TENM1: variants seen among roughly 807,000 people sequenced by gnomAD.
The protein encoded by TENM1 is teneurin transmembrane protein 1.
In TENM1, 35 loss-of-function variants were observed where a neutral mutation model predicts 174.8. The observed-to-expected ratio is 0.20, with a 90% CI of 0.15 to 0.27. TENM1 has a LOEUF of 0.27. TENM1 is among the 10% of genes least tolerant of loss of function. The pLI is 1.00. For missense variants in TENM1, 1,633 were observed against 2,130.1 expected, an observed-to-expected ratio of 0.77 and a Z score of 4.59; for synonymous variants, 781 against 798.7, an observed-to-expected ratio of 0.98 and a Z score of 0.37.
chrX:125,121,136 A>C, the TENM1 span, among the ~76,000 whole-genome samples: 8 of 111,991 alleles, frequency 7.1e-5, no homozygotes, highest in African/African-American at 2.6e-4. Flanking sequence ...ATAACGTGAC[A>C]AGGTTTATAG....
At chrX:124,888,202 A>G (rs16994532) in intron 3 of TENM1, among the ~76,000 whole-genome samples, 1 of 111,556 alleles carries the variant, frequency 9.0e-6, no homozygotes, top group African/African-American at 3.3e-5. Flanking sequence ...ATACCGCACT[A>G]CTTAGGTTCT....
At chrX:124,719,374 A>C (rs1205262228) in intron 4 of TENM1, among the ~76,000 whole-genome samples, 4 of 111,616 alleles carry the variant, frequency 3.6e-5, no homozygotes, top group African/African-American at 1.3e-4. Flanking sequence ...ACAATAAAAA[A>C]AAATTGCTTT....
exon 30 of TENM1, chrX:124,384,331 A>G (rs2060194892): frequency 8.3e-7 from 1 of 1,209,583 alleles, no homozygotes; most frequent in South Asian, 1.8e-5. Context: ...CATATCGGAG[A>G]GGAGTAAGAC....
the TENM1 span, among the ~76,000 whole-genome samples, chrX:125,006,137 G>A: frequency 8.9e-6 from 1 of 112,102 alleles, no homozygotes; most frequent in Non-Finnish European, 1.9e-5. Context: ...CTCACTGCCA[G>A]CAGAGCAGTC....
intron 9 of TENM1, 98 bp from the exon 13 acceptor site, chrX:124,645,435 G>A: frequency 1.2e-6 from 1 of 832,343 alleles, no homozygotes; most frequent in East Asian, 3.2e-5. Flanking sequence ...GCAAAAAATT[G>A]TACTATTTCT....
chrX:124,780,873 AC>A (rs1053083396), intron 3 of TENM1, among the ~76,000 whole-genome samples: 1 of 111,538 alleles, frequency 9.0e-6, no homozygotes, highest in African/African-American at 3.3e-5. Flanking sequence ...TCCTTGTCAT[AC>A]CTTCATCTTT....
At chrX:125,109,635 G>A in the TENM1 span, among the ~76,000 whole-genome samples, 3 of 111,343 alleles carry the variant, frequency 2.7e-5, no homozygotes, top group South Asian at 1.2e-3. Flanking sequence ...GAGGGAGAGA[G>A]AGAAAAGAGA....
At chrX:124,869,636 C>G (rs1368952490) in intron 3 of TENM1, among the ~76,000 whole-genome samples, 2 of 111,121 alleles carry the variant, frequency 1.8e-5, no homozygotes, top group Non-Finnish European at 3.8e-5. Context: ...GAGTACTGTT[C>G]AGCCATAAAA....
intron 18 of TENM1, among the ~76,000 whole-genome samples, chrX:124,506,797 T>C (rs6655795): frequency 2.9e-4 from 32 of 112,008 alleles, no homozygotes; most frequent in African/African-American, 8.7e-4. Flanking sequence ...TCACAAGAAC[T>C]AGCAAATACA....
rs778071805 is a variant in TENM1 at position 124,560,427 on chromosome X, A to G, written c.2434+1244T>C. 2.7e-5 allele frequency among the ~76,000 whole-genome samples: 3 copies of G among 111,033 alleles called. No individual in the cohort carries two copies. The East Asian group carries it at 8.5e-4, about 32-fold the overall frequency. On this transcript the variant is annotated intron_variant, in intron 14 of 31. Transcript: ENST00000422452. Reference sequence around the variant, plus strand: ...GGGAAAAATGGTAATATCATTTAATATCATCAACCCCATTTTAGAAATAAG... The same window carrying G: ...GGGAAAAATGGTAATATCATTTAATGTCATCAACCCCATTTTAGAAATAAG...
At chrX:125,135,145 A>G in the TENM1 span, among the ~76,000 whole-genome samples, 1 of 103,550 alleles carries the variant, frequency 9.7e-6, no homozygotes, top group Admixed American at 1.1e-4. Flanking sequence ...TGTGTATTCT[A>G]TGAACAATGG....
At chrX:125,141,024 T>C in the TENM1 span, among the ~76,000 whole-genome samples, 1 of 112,060 alleles carries the variant, frequency 8.9e-6, no homozygotes, top group Non-Finnish European at 1.9e-5. Context: ...GAAAGTATAC[T>C]AGACATATCT....
At position 124,523,358 on chromosome X, in the gene TENM1, A is replaced by G. The variant is rs758355554; in HGVS notation, c.3033+6T>C. The G allele has an allele frequency of 8.3e-7, 1 of 1,210,585 alleles. No individual in the cohort carries two copies. The highest frequency in any genetic ancestry group is 1.8e-5 in the South Asian group (1 of 56,951). ...ATTTTATACATTCAAAGGCCAATATACTCACCTGCAGCTCAGGAACAATAG... is the reference window on the plus strand; with the variant it reads ...ATTTTATACATTCAAAGGCCAATATGCTCACCTGCAGCTCAGGAACAATAG... On this transcript the variant is annotated splice_donor_region_variant and intron_variant, in intron 17 of 31. Coordinates refer to ENST00000422452, the Ensembl canonical transcript of TENM1.
At chrX:124,675,309 C>G (rs1179974153) in intron 5 of TENM1, among the ~76,000 whole-genome samples, 1 of 111,207 alleles carries the variant, frequency 9.0e-6, no homozygotes, top group Non-Finnish European at 1.9e-5. Flanking sequence ...AAATGGCTAT[C>G]AGATATAAAC....
the TENM1 span, among the ~76,000 whole-genome samples, chrX:125,111,126 A>G: frequency 3.3e-3 from 373 of 112,511 alleles, 2 homozygotes; most frequent in South Asian, 9.5e-3. Context: ...ACAGATTTGC[A>G]TTAAATTAGT....
At chrX:124,977,977 A>G in the TENM1 span, among the ~76,000 whole-genome samples, 1 of 49,687 alleles carries the variant, frequency 2.0e-5, no homozygotes, top group Non-Finnish European at 3.1e-5. Flanking sequence ...TGAGAGAGAG[A>G]GAGAGAGAGA....
intron 4 of TENM1, among the ~76,000 whole-genome samples, chrX:124,723,295 T>C (rs1210230849): frequency 1.8e-5 from 2 of 112,218 alleles, no homozygotes; most frequent in African/African-American, 6.5e-5. Context: ...CAATGGTCTC[T>C]TCTCATCCAT....
intron 11 of TENM1, among the ~76,000 whole-genome samples, chrX:124,584,877 G>A (rs2049450031): frequency 1.8e-5 from 2 of 109,761 alleles, no homozygotes; most frequent in Admixed American, 1.9e-4. Flanking sequence ...AAAGGCAGGG[G>A]TTGCAATCCT....
At chrX:124,815,658 T>C (rs763998565) in intron 3 of TENM1, among the ~76,000 whole-genome samples, 2 of 111,280 alleles carry the variant, frequency 1.8e-5, no homozygotes, top group East Asian at 5.6e-4. Context: ...TTTTCAATAA[T>C]AACAGAATCT....
Sources: allele counts gnomAD v4.1 joint callset (sites outside exome capture counted in the v4.1 genomes callset), GRCh38; gene constraint gnomAD v4.1.1; transcripts MANE v1.5; gene names NCBI Gene and HGNC (gene_info 2026-07-23, HGNC 2026-07-21).